The following MROH2B variants were observed in gnomAD, a reference collection of about 807,000 sequenced individuals.
MROH2B encodes the protein maestro heat like repeat family member 2B, also known as maestro heat-like repeat-containing protein family member 2B.
A neutral mutation model predicts 208.6 loss-of-function variants in MROH2B; 177 were observed. The observed-to-expected ratio is 0.85, with a 90% CI of 0.75 to 0.96. MROH2B has a LOEUF of 0.96. Ranked by LOEUF, MROH2B falls within the 40% of genes least tolerant of loss-of-function variation. The pLI, the probability that MROH2B is intolerant of heterozygous loss-of-function variation, is 0.00. For synonymous variants in MROH2B, 728 were observed against 659.0 expected (o/e 1.10, Z -1.60); for missense variants, 2,002 against 1,878.7 (o/e 1.07, Z -1.21).
chr5:41,047,462 G>C (rs186666473), intron 17 of MROH2B, among the ~76,000 whole-genome samples: 2 of 152,262 alleles, frequency 1.3e-5, no homozygotes. Context: ...ATTTAAGAAA[G>C]ACACAGGAAA....
At chr5:41,054,917 T>A in intron 10 of MROH2B, 77 bp from the exon 11 acceptor site, 3 of 1,006,210 alleles carry the variant, frequency 3.0e-6, no homozygotes, top group Non-Finnish European at 4.4e-6. Context: ...GAAAAGCTAT[T>A]AGAATTATGG....
intron 6 of MROH2B, among the ~76,000 whole-genome samples, chr5:41,061,147 A>C (rs1174800286): frequency 1.3e-5 from 2 of 152,222 alleles, no homozygotes; most frequent in Non-Finnish European, 2.9e-5. Context: ...TAGACACAAG[A>C]AGCACCTGTG....
intron 24 of MROH2B, among the ~76,000 whole-genome samples, chr5:41,026,881 C>A (rs1289944350): frequency 6.6e-6 from 1 of 152,108 alleles, no homozygotes; most frequent in Non-Finnish European, 1.5e-5. Flanking sequence ...AGAAATAATA[C>A]CACACATTTA....
At position 41,005,423 on chromosome 5, in the gene MROH2B, C is replaced by CCCCT. The variant is rs1554046626; in HGVS notation, c.3864+107_3864+108insAGGG. On this transcript the variant is annotated intron_variant, in intron 35 of 41. Coordinates refer to ENST00000399564, the MANE Select transcript of MROH2B (RefSeq NM_173489.5). ...TCTCTCCTCTATGAAACCCCCCCCCCCCTTGAAGTCTCTCTTCCCTGGTTC... is the reference window on the plus strand; with the variant it reads ...TCTCTCCTCTATGAAACCCCCCCCCCCCCTCCTTGAAGTCTCTCTTCCCTGGTTC... The CCCCT allele has an allele frequency of 2.9e-5, 7 of 242,664 alleles. 1 individual carries two copies. Among genetic ancestry groups the CCCCT allele is most frequent in the Non-Finnish European group, 4.8e-5 (6 of 124,966 alleles). The allele number at this position is 242,664 out of a possible 1,614,324, so 15.0% of individuals were successfully genotyped here.
chr5:41,025,489 A>G (rs1742321166), intron 24 of MROH2B, among the ~76,000 whole-genome samples: 1 of 152,214 alleles, frequency 6.6e-6, no homozygotes, highest in Non-Finnish European at 1.5e-5. Context: ...AACCAGGAAG[A>G]AGTTGAATCC....
intron 39 of MROH2B, 111 bp from the exon 40 acceptor site, chr5:40,999,890 AG>A: frequency 1.1e-6 from 1 of 906,004 alleles, no homozygotes; most frequent in East Asian, 2.5e-5. Context: ...GCACTCACAC[AG>A]CCATAAATTA....
intron 34 of MROH2B, 23 bp downstream of exon 34, chr5:41,007,291 G>T (rs1420691473): frequency 2.2e-6 from 3 of 1,356,804 alleles, no homozygotes; most frequent in African/African-American, 1.5e-5. Flanking sequence ...TTTGTATCTG[G>T]TTCTAGAAAA....
chr5:41,051,293 G>A (rs1360959413), intron 12 of MROH2B, among the ~76,000 whole-genome samples: 5 of 152,112 alleles, frequency 3.3e-5, no homozygotes, highest in Admixed American at 6.5e-5. Flanking sequence ...AAAACACAAC[G>A]CTTGCTAAAA....
At chr5:41,069,373 C>A (rs942892875) in intron 2 of MROH2B, among the ~76,000 whole-genome samples, 1 of 151,918 alleles carries the variant, frequency 6.6e-6, no homozygotes, top group South Asian at 2.1e-4. Context: ...TTGTAACAAC[C>A]CTCAAATTAT....
Position 41,038,865 on chromosome 5 carries a change from G to C in MROH2B, c.2085C>G (p.Ser695Arg), listed in dbSNP as rs766523465. 6.2e-7 allele frequency: 1 copy of C among 1,608,828 alleles called. No homozygotes were observed. Among genetic ancestry groups the C allele is most frequent in the African/African-American group, 1.3e-5 (1 of 74,736 alleles). The change falls in exon 21 of 42, where the codon AGC becomes AGG. Residue 695 changes from serine (S) to arginine (R), a missense_variant. Ser to Arg is a moderately radical substitution (Grantham distance 110, BLOSUM62 -1). Transcript: ENST00000399564. ...RCKSLFSGKK[S>R]LTKTDVMVIY... ...TGACCATGACATCTGTCTTGGTCAGGCTCTTTTTCCCAGAAAAAAGGCTCT... is the reference window on the plus strand; with the variant it reads ...TGACCATGACATCTGTCTTGGTCAGCCTCTTTTTCCCAGAAAAAAGGCTCT...
Position 41,009,964 on chromosome 5 carries a change from G to C in MROH2B, c.3251C>G (p.Thr1084Arg), listed in dbSNP as rs755215585. The C allele has an allele frequency of 1.9e-6, 3 of 1,613,870 alleles. No individual in the cohort carries two copies. The highest frequency in any genetic ancestry group is 2.5e-6 in the Non-Finnish European group (3 of 1,179,800). ...CTTCTGTAAAAGGTTGACAACAACT[G>C]TATCCATGTGAAAGCTGGCTATCTG... ...ISQIASFHMD[T>R]VVVNLLQKPL... Residue 1084 changes from threonine (T) to arginine (R), a missense_variant, in exon 31 of 42, where the codon ACA (threonine) becomes AGA (arginine). Transcript: ENST00000399564.
At chr5:41,042,877 T>C (rs1742999008) in intron 18 of MROH2B, among the ~76,000 whole-genome samples, 1 of 152,234 alleles carries the variant, frequency 6.6e-6, no homozygotes, top group African/African-American at 2.4e-5. Context: ...AGTGCTGGGA[T>C]TTCAGGTATG....
chr5:41,059,875 T>G (rs564258263), intron 6 of MROH2B, among the ~76,000 whole-genome samples: 1 of 152,222 alleles, frequency 6.6e-6, no homozygotes, highest in Non-Finnish European at 1.5e-5. Flanking sequence ...CTTATTTGGT[T>G]GTCACTTATG....
At chr5:41,022,207 A>G (rs1382800884) in intron 24 of MROH2B, among the ~76,000 whole-genome samples, 2 of 152,120 alleles carry the variant, frequency 1.3e-5, no homozygotes, top group Non-Finnish European at 2.9e-5. Flanking sequence ...TGGGGGCAGG[A>G]CAGTGGGTGC....
intron 24 of MROH2B, among the ~76,000 whole-genome samples, chr5:41,031,130 G>C (rs1192592794): frequency 6.6e-6 from 1 of 152,064 alleles, no homozygotes; most frequent in African/African-American, 2.4e-5. Flanking sequence ...CCGAGACTAG[G>C]TAATTTATAA....
At chr5:41,013,059 A>T (rs1204418400) in intron 29 of MROH2B, among the ~76,000 whole-genome samples, 1 of 152,252 alleles carries the variant, frequency 6.6e-6, no homozygotes, top group African/African-American at 2.4e-5. Context: ...ACATAGCAAT[A>T]TGTACATTAT....
chr5:41,058,924 T>A (rs772476995), intron 6 of MROH2B, among the ~76,000 whole-genome samples: 14 of 151,062 alleles, frequency 9.3e-5, no homozygotes, highest in Non-Finnish European at 2.1e-4. Flanking sequence ...GGTGGGCGCC[T>A]GTAATCCCAG....
intron 24 of MROH2B, among the ~76,000 whole-genome samples, chr5:41,027,108 C>A (rs1742391890): frequency 6.6e-6 from 1 of 152,302 alleles, no homozygotes; most frequent in East Asian, 1.9e-4. Flanking sequence ...TAGGCCATAA[C>A]ATTCAGAACA....
At chr5:41,043,090 C>T (rs1393693831) in intron 18 of MROH2B, among the ~76,000 whole-genome samples, 3 of 152,208 alleles carry the variant, frequency 2.0e-5, no homozygotes, top group Admixed American at 2.0e-4. Flanking sequence ...GTGGTCATTA[C>T]TGACAATAGG....
Sources: allele counts gnomAD v4.1 joint callset (sites outside exome capture counted in the v4.1 genomes callset), GRCh38; gene constraint gnomAD v4.1.1; transcripts MANE v1.5; gene names NCBI Gene and HGNC (gene_info 2026-07-23, HGNC 2026-07-21).